The following TSPAN9 variants were observed in gnomAD, a reference collection of about 807,000 sequenced individuals.
The protein encoded by TSPAN9 is tetraspanin 9, also known as tetraspanin-9.
In TSPAN9, 16 loss-of-function variants were observed where a neutral mutation model predicts 31.0. That is an observed-to-expected ratio of 0.52 (90% CI 0.35 to 0.78). The LOEUF (loss-of-function observed/expected upper bound fraction) is 0.78. Among genes scored for constraint, TSPAN9 ranks in the 30% least tolerant of loss-of-function variants. The probability of loss-of-function intolerance (pLI) is 0.01; values close to 1 mark genes in which losing one functional copy is unlikely to be tolerated. For missense variants in TSPAN9, 272 were observed against 312.5 expected (o/e 0.87, Z 0.98); for synonymous variants, 145 against 121.6 (o/e 1.19, Z -1.27).
rs544477692 is a variant in TSPAN9, at chr12:3,286,259, G to C, written c.*3143G>C. On this transcript the variant is annotated 3_prime_UTR_variant, in exon 9 of 9. Coordinates refer to ENST00000011898, the MANE Select transcript of TSPAN9 (RefSeq NM_006675.5). The surrounding 1 kb of genome is among the most constrained non-coding windows in gnomAD (Gnocchi z 4.1). Reference sequence around the variant, plus strand: ...GAGTCCGGCCAGCCCTTGTGTTCCCGTGCCCCACACTTTCCTCCTCCCCAC... The same window carrying C: ...GAGTCCGGCCAGCCCTTGTGTTCCCCTGCCCCACACTTTCCTCCTCCCCAC... The C allele has an allele frequency of 1.3e-5, 2 of 152,832 alleles. No homozygotes were observed. The allele number at this position is 152,832 out of a possible 1,614,324, so 9.5% of individuals were successfully genotyped here.
chr12:3,204,031 C>CA (rs1241153550), intron 3 of TSPAN9, among the ~76,000 whole-genome samples: 1 of 152,150 alleles, frequency 6.6e-6, no homozygotes, highest in Non-Finnish European at 1.5e-5. Context: ...CTGTCTTGTG[C>CA]AGGGGGGCAG....
chr12:3,201,037 G>C, intron 2 of TSPAN9, 140 bp from the exon 3 acceptor site: 2 of 718,310 alleles, frequency 2.8e-6, no homozygotes, highest in South Asian at 3.7e-5. Flanking sequence ...GCGGCTTCAC[G>C]GCCGGCGCCT....
intron 2 of TSPAN9, among the ~76,000 whole-genome samples, chr12:3,123,110 C>T (rs1376934086): frequency 6.6e-6 from 1 of 152,160 alleles, no homozygotes; most frequent in Non-Finnish European, 1.5e-5. Context: ...CAGCTGTTTC[C>T]TCCTGATAGA....
chr12:3,216,088 C>A (rs1472604611), intron 3 of TSPAN9, among the ~76,000 whole-genome samples: 1 of 152,222 alleles, frequency 6.6e-6, no homozygotes, highest in Non-Finnish European at 1.5e-5. Context: ...CTCCTGGAGT[C>A]CTGGGCTGGG....
At chr12:3,174,964 C>A (rs193126493) in intron 2 of TSPAN9, among the ~76,000 whole-genome samples, 1 of 152,296 alleles carries the variant, frequency 6.6e-6, no homozygotes, top group East Asian at 1.9e-4. Flanking sequence ...GACCTTACAC[C>A]CCCTGCCCTG....
At chr12:3,158,018 G>C (rs758693497) in intron 2 of TSPAN9, among the ~76,000 whole-genome samples, 1 of 152,150 alleles carries the variant, frequency 6.6e-6, no homozygotes, top group Non-Finnish European at 1.5e-5. Context: ...AAAAGAAATG[G>C]AAAAGATGAA....
chr12:3,282,887 G>A (rs140416285), intron 8 of TSPAN9, among the ~76,000 whole-genome samples, 158 bp from the exon 9 acceptor site: 2 of 152,334 alleles, frequency 1.3e-5, no homozygotes, highest in East Asian at 1.9e-4. Context: ...CTCTGTTCAC[G>A]GTTTTCTTCA....
intron 3 of TSPAN9, among the ~76,000 whole-genome samples, chr12:3,256,549 G>T (rs1862349244): frequency 6.6e-6 from 1 of 152,188 alleles, no homozygotes; most frequent in African/African-American, 2.4e-5. Context: ...CGTCGATTTC[G>T]GGAGCGGCCC....
At chr12:3,220,771 G>A (rs1037558783) in intron 3 of TSPAN9, among the ~76,000 whole-genome samples, 6 of 151,910 alleles carry the variant, frequency 3.9e-5, no homozygotes, top group Non-Finnish European at 7.4e-5. Context: ...GCACCACACC[G>A]CCCAGCACAG....
At chr12:3,108,805 A>G (rs565457248) in intron 2 of TSPAN9, among the ~76,000 whole-genome samples, 1 of 151,902 alleles carries the variant, frequency 6.6e-6, no homozygotes, top group Non-Finnish European at 1.5e-5. Context: ...TAGTTAGCAG[A>G]TTTTTAATTT....
At chr12:3,140,629 G>A (rs1253735692) in intron 2 of TSPAN9, among the ~76,000 whole-genome samples, 4 of 152,124 alleles carry the variant, frequency 2.6e-5, no homozygotes, top group Non-Finnish European at 4.4e-5. Flanking sequence ...GAATGCCCAA[G>A]GAAAGTTCAG....
chr12:3,128,903 C>T (rs565893881), intron 2 of TSPAN9, among the ~76,000 whole-genome samples: 1 of 152,302 alleles, frequency 6.6e-6, no homozygotes, highest in South Asian at 2.1e-4. Context: ...CACTGTGCAC[C>T]CATTAGATGA....
chr12:3,185,836 C>T (rs1047002932), intron 2 of TSPAN9, among the ~76,000 whole-genome samples: 8 of 152,216 alleles, frequency 5.3e-5, no homozygotes, highest in Admixed American at 1.3e-4. Flanking sequence ...AGCTGGAGTT[C>T]GGGTGTGGCT....
At chr12:3,239,162 G>A (rs897104565) in intron 3 of TSPAN9, among the ~76,000 whole-genome samples, 5 of 151,164 alleles carry the variant, frequency 3.3e-5, no homozygotes, top group African/African-American at 1.2e-4. Flanking sequence ...GGCGTAGAGG[G>A]GTGCCTGGTG....
intron 3 of TSPAN9, among the ~76,000 whole-genome samples, chr12:3,275,045 T>C (rs1321079122): frequency 6.6e-6 from 1 of 152,218 alleles, no homozygotes; most frequent in African/African-American, 2.4e-5. Context: ...CTGTGTTCCC[T>C]GAGAGGTAGA....
At chr12:3,119,945 C>T (rs2098324310) in intron 2 of TSPAN9, among the ~76,000 whole-genome samples, 1 of 152,108 alleles carries the variant, frequency 6.6e-6, no homozygotes, top group Admixed American at 6.5e-5. Context: ...GGCTGTGTGA[C>T]CATGTGCACG....
chr12:3,279,363 T>G (rs1006840409), intron 5 of TSPAN9, among the ~76,000 whole-genome samples: 7 of 152,260 alleles, frequency 4.6e-5, no homozygotes, highest in African/African-American at 1.7e-4. Flanking sequence ...CTGGCGCTAG[T>G]GAGCTCCCTC....
intron 2 of TSPAN9, chr12:3,199,964 C>G (rs1187603039): frequency 6.6e-6 from 1 of 152,406 alleles, no homozygotes; most frequent in Non-Finnish European, 1.5e-5. Context: ...GCCAGCTCGA[C>G]AGCGGCCGCG....
intron 2 of TSPAN9, among the ~76,000 whole-genome samples, chr12:3,095,498 G>T (rs1291499524): frequency 1.0e-5 from 1 of 96,622 alleles, no homozygotes; most frequent in Non-Finnish European, 2.3e-5. Flanking sequence ...CCGGGCGGGG[G>T]ACTGACCCCC....
Sources: gnomAD v4.1 joint callset for allele counts (sites outside exome capture counted in the v4.1 genomes callset) on GRCh38, gnomAD v4.1.1 for gene constraint, Gnocchi (gnomAD v3.1) non-coding constraint, MANE v1.5 for transcripts, NCBI Gene and HGNC (gene_info 2026-07-23, HGNC 2026-07-21) for gene names.